The following C1orf21 variants were observed in gnomAD, a reference collection of about 807,000 sequenced individuals.
The protein encoded by C1orf21 is chromosome 1 open reading frame 21, also known as uncharacterized protein C1orf21.
A neutral mutation model predicts 18.7 loss-of-function variants in C1orf21; 3 were observed. The observed-to-expected ratio is 0.16, with a 90% CI of 0.07 to 0.42. The LOEUF is 0.42. C1orf21 is among the 10% of genes least tolerant of loss of function. The pLI is 0.99. For missense variants in C1orf21, 104 were observed against 143.6 expected (o/e 0.72, Z 1.41); for synonymous variants, 41 against 46.4 (o/e 0.88, Z 0.47).
intron 3 of C1orf21, chr1:184,567,699 G>A (rs767147518): frequency 2.7e-6 from 1 of 366,882 alleles, no homozygotes; most frequent in Non-Finnish European, 5.5e-6. Context: ...TTTTTCCAGG[G>A]CTGCTAAAGT....
intron 3 of C1orf21, among the ~76,000 whole-genome samples, chr1:184,553,227 C>G (rs192519036): frequency 6.6e-6 from 1 of 151,992 alleles, no homozygotes. Flanking sequence ...ACTGTTTATT[C>G]GTAAGTCCAA....
intron 2 of C1orf21, among the ~76,000 whole-genome samples, chr1:184,485,125 C>T (rs1182044628): frequency 6.6e-6 from 1 of 152,112 alleles, no homozygotes. Context: ...TGTTTGTGGA[C>T]AGTAACAGAG....
chr1:184,512,791 C>T (rs538415664), intron 3 of C1orf21, among the ~76,000 whole-genome samples: 5 of 152,200 alleles, frequency 3.3e-5, no homozygotes, highest in Non-Finnish European at 7.3e-5. Context: ...GGTCCCCAAG[C>T]CTCAGACCCT....
chr1:184,495,917 CAAAAAAA>C (rs764285547), intron 2 of C1orf21, among the ~76,000 whole-genome samples: 5 of 50,888 alleles, frequency 9.8e-5, no homozygotes, highest in African/African-American at 3.6e-4. Flanking sequence ...GACTCTGTCT[CAAAAAAA>C]AAAAAAAAAA....
At chr1:184,507,766 TAC>T in intron 3 of C1orf21, 84 bp downstream of exon 3, 1 of 1,044,704 alleles carries the variant, frequency 9.6e-7, no homozygotes, top group South Asian at 1.8e-5. Flanking sequence ...AACTGCAACT[TAC>T]ACACTGGCAC....
chr1:184,410,663 A>ATATATTTTTTTTT (rs67546366), intron 1 of C1orf21, among the ~76,000 whole-genome samples: 1 of 7,674 alleles, frequency 1.3e-4, no homozygotes, highest in Non-Finnish European at 1.9e-4. Context: ...ATATATATAT[A>ATATATTTTTTTTT]TTTTTTTTTT....
At chr1:184,538,154 A>G (rs187444126) in intron 3 of C1orf21, among the ~76,000 whole-genome samples, 1 of 152,302 alleles carries the variant, frequency 6.6e-6, no homozygotes, top group Admixed American at 6.5e-5. Flanking sequence ...GAGAGTAGTC[A>G]TCCTACTGAG....
Position 184,623,657 on chromosome 1 carries a change from T to C in C1orf21, c.*4101T>C, listed in dbSNP as rs1475455713. On this transcript the variant is annotated 3_prime_UTR_variant, in exon 6 of 6. Transcript: ENST00000235307. ...TGGGTTAGGCAGTCGGCTGTCACACTCACATGTGCCTGCAATAAACCTTTT... is the reference window on the plus strand; with the variant it reads ...TGGGTTAGGCAGTCGGCTGTCACACCCACATGTGCCTGCAATAAACCTTTT... 1 of 152,572 alleles carries C rather than the reference T, an allele frequency of 6.6e-6. No individual in the cohort carries two copies. The highest frequency in any genetic ancestry group is 1.5e-5 in the Non-Finnish European group (1 of 68,032). The allele number at this position is 152,572 out of a possible 1,614,324, so 9.5% of individuals were successfully genotyped here.
intron 3 of C1orf21, among the ~76,000 whole-genome samples, chr1:184,575,400 CTG>C (rs1247185874): frequency 4.6e-5 from 7 of 151,940 alleles, no homozygotes; most frequent in Non-Finnish European, 8.8e-5. Flanking sequence ...AAGGGGTACA[CTG>C]TTAAAATATT....
chr1:184,428,026 GGCAAGATACTTAA>G (rs1162457243), intron 1 of C1orf21, among the ~76,000 whole-genome samples: 2 of 152,066 alleles, frequency 1.3e-5, no homozygotes, highest in Non-Finnish European at 2.9e-5. Flanking sequence ...TACAACCTTG[GGCAAGATACTTAA>G]GCCCTCTGAG....
intron 1 of C1orf21, among the ~76,000 whole-genome samples, chr1:184,395,845 A>G (rs1047182186): frequency 2.6e-5 from 4 of 152,136 alleles, no homozygotes; most frequent in Non-Finnish European, 5.9e-5. Context: ...ACAGAGAGGG[A>G]TATATTTGGA....
At chr1:184,434,217 A>G (rs1392007737) in intron 1 of C1orf21, among the ~76,000 whole-genome samples, 2 of 152,094 alleles carry the variant, frequency 1.3e-5, no homozygotes, top group Non-Finnish European at 2.9e-5. Flanking sequence ...ACTGGGGTAA[A>G]AGTATGAGTG....
intron 1 of C1orf21, among the ~76,000 whole-genome samples, chr1:184,392,308 A>C (rs528329945): frequency 8.5e-5 from 13 of 152,320 alleles, no homozygotes; most frequent in African/African-American, 2.9e-4. Flanking sequence ...GGGAAAGCTC[A>C]GGAAGCCCTC....
intron 3 of C1orf21, chr1:184,566,997 CTG>C (rs1300719212): frequency 1.9e-6 from 1 of 526,308 alleles, no homozygotes; most frequent in South Asian, 1.4e-5. Context: ...AATCCAAAGA[CTG>C]TGGAATATAA....
In C1orf21 at chr1:184,531,246, G is replaced by A. The variant is rs1392312577; in HGVS notation, c.189+23564G>A. Among the ~76,000 whole-genome samples, 4 of 152,260 alleles carry A rather than the reference G, an allele frequency of 2.6e-5. No individual in the cohort carries two copies. In the East Asian group the frequency reaches 7.7e-4, roughly 29 times the overall value. ...GGTGTTAACTTCTGGAAAATCGACT[G>A]TCTTTCATTTGTTCCTTTCTTCTTA... On this transcript the variant is annotated intron_variant, in intron 3 of 5. Coordinates refer to ENST00000235307, the MANE Select transcript of C1orf21 (RefSeq NM_030806.4).
intron 1 of C1orf21, among the ~76,000 whole-genome samples, chr1:184,434,035 T>C (rs1402983322): frequency 3.9e-5 from 6 of 152,270 alleles, no homozygotes; most frequent in Non-Finnish European, 8.8e-5. Context: ...TTAAAACCCC[T>C]GATTCTCCAG....
At chr1:184,490,584 A>C (rs1296451701) in intron 2 of C1orf21, among the ~76,000 whole-genome samples, 1 of 152,170 alleles carries the variant, frequency 6.6e-6, no homozygotes, top group African/African-American at 2.4e-5. Context: ...TAACGGCAGG[A>C]GTCTTAAATA....
chr1:184,410,511 T>A (rs73063504), intron 1 of C1orf21, among the ~76,000 whole-genome samples: 12,251 of 144,884 alleles, frequency 0.085, 1,740 homozygotes, highest in African/African-American at 0.29. Flanking sequence ...TGGCATATGA[T>A]GGTATTAAAT....
At chr1:184,505,382 A>G (rs1399687600) in intron 2 of C1orf21, among the ~76,000 whole-genome samples, 6 of 146,874 alleles carry the variant, frequency 4.1e-5, no homozygotes, top group African/African-American at 7.5e-5. Context: ...ATATTCACCT[A>G]TATATATTTA....
Sources: gnomAD v4.1 joint callset for allele counts (sites outside exome capture counted in the v4.1 genomes callset) on GRCh38, gnomAD v4.1.1 for gene constraint, MANE v1.5 for transcripts, NCBI Gene and HGNC (gene_info 2026-07-23, HGNC 2026-07-21) for gene names.